Variants in CREB5 observed in about 807,000 individuals in gnomAD.
CREB5 encodes the protein cyclic AMP-responsive element-binding protein 5.
CREB5 carries 19 observed loss-of-function variants against 57.1 expected under a neutral mutation model. The ratio of observed to expected loss-of-function variants is 0.33; its 90% CI spans 0.23 to 0.49. The LOEUF (loss-of-function observed/expected upper bound fraction) is 0.49. Among genes scored for constraint, CREB5 ranks in the 20% least tolerant of loss-of-function variants. The pLI is 0.99. For missense variants in CREB5, 579 were observed against 671.6 expected, an observed-to-expected ratio of 0.86 and a Z score of 1.52; for synonymous variants, 238 against 238.3, an observed-to-expected ratio of 1.00 and a Z score of 0.01.
chr7:28,496,376 T>G (rs1792046572), intron 3 of CREB5, among the ~76,000 whole-genome samples: 1 of 152,254 alleles, frequency 6.6e-6, no homozygotes. Context: ...TTACAATATT[T>G]TAAATTCTTT....
chr7:28,571,434 C>T (rs985069133), intron 5 of CREB5, among the ~76,000 whole-genome samples: 1 of 152,114 alleles, frequency 6.6e-6, no homozygotes, highest in Non-Finnish European at 1.5e-5. Flanking sequence ...TCTCCTTCCT[C>T]TACATTGGTC....
At chr7:28,665,296 G>T (rs1161179815) in intron 5 of CREB5, among the ~76,000 whole-genome samples, 2 of 152,128 alleles carry the variant, frequency 1.3e-5, no homozygotes, top group Non-Finnish European at 2.9e-5. Context: ...AGCTAAAAGG[G>T]CCAGGCAGAG....
chr7:28,519,537 T>C (rs1457741636), intron 4 of CREB5, among the ~76,000 whole-genome samples: 1 of 151,488 alleles, frequency 6.6e-6, no homozygotes, highest in Non-Finnish European at 1.5e-5. Flanking sequence ...TTGGTGGTAA[T>C]GGGTTTGCAC....
At chr7:28,772,986 A>G (rs972575014) in intron 7 of CREB5, among the ~76,000 whole-genome samples, 1 of 152,206 alleles carries the variant, frequency 6.6e-6, no homozygotes, top group Non-Finnish European at 1.5e-5. Flanking sequence ...ATTGTATCTA[A>G]TGTATGGGTT....
At chr7:28,552,004 C>CTCTTTCTCTCTTTTCTATCTCTCTT in intron 4 of CREB5, among the ~76,000 whole-genome samples, 1 of 144,002 alleles carries the variant, frequency 6.9e-6, no homozygotes, top group African/African-American at 2.7e-5. Flanking sequence ...TTTTCTCTCT[C>CTCTTTCTCTCTTTTCTATCTCTCTT]TCTCTCTTTT....
chr7:28,772,235 C>A (rs560628493), intron 7 of CREB5, among the ~76,000 whole-genome samples: 4 of 152,130 alleles, frequency 2.6e-5, no homozygotes, highest in Non-Finnish European at 5.9e-5. Context: ...GACCTGTTGG[C>A]TCAGGTTTAA....
chr7:28,666,700 G>A (rs755365631), intron 5 of CREB5, among the ~76,000 whole-genome samples: 3 of 152,112 alleles, frequency 2.0e-5, no homozygotes, highest in South Asian at 4.1e-4. Context: ...GGTGGTTCAC[G>A]CCTGTTATTG....
intron 7 of CREB5, among the ~76,000 whole-genome samples, chr7:28,730,268 C>T (rs964027866): frequency 5.9e-5 from 9 of 152,112 alleles, no homozygotes; most frequent in Admixed American, 2.6e-4. Flanking sequence ...ACTGCAGCCT[C>T]AAACTTGCAG....
chr7:28,553,884 T>C (rs1794765763), intron 4 of CREB5, among the ~76,000 whole-genome samples: 1 of 152,230 alleles, frequency 6.6e-6, no homozygotes, highest in Admixed American at 6.5e-5. Context: ...AGAGATTCTT[T>C]GGCTGATGGG....
intron 5 of CREB5, among the ~76,000 whole-genome samples, chr7:28,652,884 C>G (rs1562551043): frequency 6.6e-6 from 1 of 152,146 alleles, no homozygotes; most frequent in South Asian, 2.1e-4. Context: ...TGATTAGTGA[C>G]CAGTTGCCTT....
At chr7:28,589,734 A>G (rs918741657) in intron 5 of CREB5, among the ~76,000 whole-genome samples, 1 of 152,164 alleles carries the variant, frequency 6.6e-6, no homozygotes, top group African/African-American at 2.4e-5. Flanking sequence ...AGATGAAAAA[A>G]GATTCTGTAA....
chr7:28,804,360 C>T lies in CREB5; in HGVS notation c.864C>T (p.His288=). The T allele has an allele frequency of 6.2e-7, 1 of 1,613,654 alleles. No homozygotes were observed. Among genetic ancestry groups the T allele is most frequent in the Non-Finnish European group, 8.5e-7 (1 of 1,179,778 alleles). The change falls in exon 8 of 11, where the codon CAC becomes CAT. Residue 288 remains histidine (H), a synonymous_variant. Transcript: ENST00000357727. ...PHQHQTLPPH[H]PYPHQHQHPA... is the part of the protein sequence containing the mutation. ...AGCACCAGACACTGCCACCCCATCA[C>T]CCTTACCCACACCAGCACCAGCACC...
At chr7:28,625,317 G>T (rs1276389805) in intron 5 of CREB5, among the ~76,000 whole-genome samples, 1 of 152,054 alleles carries the variant, frequency 6.6e-6, no homozygotes, top group Non-Finnish European at 1.5e-5. Flanking sequence ...CTTTAAGATG[G>T]CTCTTTCCTC....
intron 6 of CREB5, among the ~76,000 whole-genome samples, chr7:28,721,208 G>T (rs1479228122): frequency 1.6e-4 from 25 of 152,150 alleles, no homozygotes; most frequent in Admixed American, 1.6e-3. Flanking sequence ...CGGTGGGAAG[G>T]TACAGGCACC....
chr7:28,332,189 A>G (rs1229096926), intron 1 of CREB5, among the ~76,000 whole-genome samples: 1 of 152,212 alleles, frequency 6.6e-6, no homozygotes, highest in Non-Finnish European at 1.5e-5. Flanking sequence ...GCAGAAGTTA[A>G]TAGCCACCAG....
chr7:28,526,818 G>T (rs1583579276), intron 4 of CREB5, among the ~76,000 whole-genome samples: 1 of 152,218 alleles, frequency 6.6e-6, no homozygotes, highest in Non-Finnish European at 1.5e-5. Context: ...ACAGCTTGGA[G>T]CACAGGCACT....
rs1401206928 is a variant in CREB5 at position 28,804,255 on chromosome 7, C to T, written c.759C>T (p.Asn253=). 4 of 1,614,118 alleles carry T rather than the reference C, an allele frequency of 2.5e-6. No individual in the cohort carries two copies. The highest frequency in any genetic ancestry group is 3.3e-5 in the Admixed American group (2 of 60,026). Reference sequence around the variant, plus strand: ...CTGCCATGTCAAATGGGAACATGAACACCATGGGACACATGATGGAGATGA... The same window carrying T: ...CTGCCATGTCAAATGGGAACATGAATACCATGGGACACATGATGGAGATGA... ...HPAAMSNGNM[N]TMGHMMEMMG... The change falls in exon 8 of 11, where the codon AAC becomes AAT. Residue 253 remains asparagine (N), a synonymous_variant. Coordinates refer to ENST00000357727, the MANE Select transcript of CREB5 (RefSeq NM_182898.4).
At chr7:28,461,284 A>T (rs1160208002) in intron 1 of CREB5, among the ~76,000 whole-genome samples, 3 of 152,104 alleles carry the variant, frequency 2.0e-5, no homozygotes, top group Non-Finnish European at 4.4e-5. Context: ...GGAAAGACAG[A>T]GACAAGAATG....
At chr7:28,773,481 C>A (rs545928957) in intron 7 of CREB5, among the ~76,000 whole-genome samples, 3 of 152,128 alleles carry the variant, frequency 2.0e-5, no homozygotes, top group Admixed American at 6.5e-5. Flanking sequence ...AGTGGGCAAA[C>A]GTTTTCTGAA....
Sources: allele counts gnomAD v4.1 joint callset (sites outside exome capture counted in the v4.1 genomes callset), GRCh38; gene constraint gnomAD v4.1.1; transcripts MANE v1.5; gene names NCBI Gene and HGNC (gene_info 2026-07-23, HGNC 2026-07-21).